Variants in FAM171A1 observed in about 807,000 individuals in gnomAD.
The protein encoded by FAM171A1 is family with sequence similarity 171 member A1.
FAM171A1 carries 23 observed loss-of-function variants against 74.9 expected under a neutral mutation model. The observed-to-expected ratio is 0.31, with a 90% CI of 0.22 to 0.44. The LOEUF is 0.44. Among genes scored for constraint, FAM171A1 ranks in the 20% least tolerant of loss-of-function variants. FAM171A1 has a pLI of 1.00. For missense variants in FAM171A1, 1,162 were observed against 1,159.2 expected, an observed-to-expected ratio of 1.00 and a Z score of -0.03; for synonymous variants, 527 against 505.7, an observed-to-expected ratio of 1.04 and a Z score of -0.57.
intron 1 of FAM171A1, among the ~76,000 whole-genome samples, chr10:15,351,712 G>A (rs1215012032): frequency 6.6e-6 from 1 of 152,056 alleles, no homozygotes; most frequent in Non-Finnish European, 1.5e-5. Flanking sequence ...TGGATGGATG[G>A]AGAGTGGCTC....
At chr10:15,259,607 C>T (rs781014785) in intron 3 of FAM171A1, among the ~76,000 whole-genome samples, 1 of 151,948 alleles carries the variant, frequency 6.6e-6, no homozygotes, top group Non-Finnish European at 1.5e-5. Context: ...AAGAAGGAAC[C>T]CTTTCCTCTT....
intron 1 of FAM171A1, among the ~76,000 whole-genome samples, chr10:15,288,452 G>T (rs1475091241): frequency 6.6e-6 from 1 of 152,082 alleles, no homozygotes; most frequent in Admixed American, 6.6e-5. Context: ...TACCTAAGTA[G>T]TATACTAAAT....
chr10:15,286,796 A>G lies in FAM171A1; in HGVS notation c.98-2691T>C, dbSNP rs984744506. ...CTGATTTAATACATTTCTTGAGTAGATAACCATAGACAAGAGCTAAAGAAT... is the reference window on the plus strand; with the variant it reads ...CTGATTTAATACATTTCTTGAGTAGGTAACCATAGACAAGAGCTAAAGAAT... On this transcript the variant is annotated intron_variant, in intron 1 of 7. Transcript: ENST00000378116. Among the ~76,000 whole-genome samples, 68 of 152,210 alleles carry G rather than the reference A, an allele frequency of 4.5e-4. 3 individuals carry two copies. Among genetic ancestry groups the G allele is most frequent in the Middle Eastern group, 3.2e-3 (1 of 316 alleles).
In FAM171A1 at chr10:15,283,868, A is replaced by C. The variant is rs2131808851; in HGVS notation, c.325+10T>G. ...CCCTCTGTGTTAAAGAAAGATGAGG[A>C]ACGCCTTACCAGGTAACCGGATTGG... On this transcript the variant is annotated intron_variant, in intron 2 of 7. Coordinates refer to ENST00000378116, the MANE Select transcript of FAM171A1 (RefSeq NM_001010924.2). The C allele has an allele frequency of 6.2e-7, 1 of 1,613,760 alleles. No homozygotes were observed. Among genetic ancestry groups the C allele is most frequent in the East Asian group, 2.2e-5 (1 of 44,880 alleles).
At chr10:15,249,435 A>C (rs1176117392) in intron 4 of FAM171A1, among the ~76,000 whole-genome samples, 2 of 152,186 alleles carry the variant, frequency 1.3e-5, no homozygotes, top group African/African-American at 4.8e-5. Flanking sequence ...TTTTGCTTTC[A>C]AAAACGATCT....
At chr10:15,346,520 T>A (rs188785155) in intron 1 of FAM171A1, among the ~76,000 whole-genome samples, 1 of 152,304 alleles carries the variant, frequency 6.6e-6, no homozygotes, top group Admixed American at 6.5e-5. Context: ...GAGCAAGAAC[T>A]CACAGATCCT....
intron 5 of FAM171A1, among the ~76,000 whole-genome samples, chr10:15,228,490 G>A (rs926010024): frequency 6.6e-6 from 1 of 151,886 alleles, no homozygotes; most frequent in Non-Finnish European, 1.5e-5. Context: ...CTACAGGCAT[G>A]CACCACCACA....
At chr10:15,292,761 C>T (rs558804984) in intron 1 of FAM171A1, among the ~76,000 whole-genome samples, 1 of 152,262 alleles carries the variant, frequency 6.6e-6, no homozygotes, top group African/African-American at 2.4e-5. Flanking sequence ...GCTGGGATTA[C>T]AGGGGTGAGC....
intron 5 of FAM171A1, among the ~76,000 whole-genome samples, chr10:15,243,901 C>A (rs1247385513): frequency 6.6e-6 from 1 of 152,294 alleles, no homozygotes; most frequent in East Asian, 1.9e-4. Context: ...CAGGCGCCCG[C>A]CACCACACCC....
intron 3 of FAM171A1, among the ~76,000 whole-genome samples, chr10:15,256,259 C>T (rs1041001401): frequency 2.6e-5 from 4 of 152,126 alleles, no homozygotes; most frequent in African/African-American, 7.2e-5. Context: ...CCTGTCTAGA[C>T]GTGTTCTAGA....
chr10:15,333,263 G>T (rs926496063), intron 1 of FAM171A1, among the ~76,000 whole-genome samples: 5 of 152,028 alleles, frequency 3.3e-5, no homozygotes, highest in Non-Finnish European at 5.9e-5. Context: ...GGAGGCCGAG[G>T]CGGGTGGATC....
chr10:15,270,125 T>G (rs897036242), intron 3 of FAM171A1, among the ~76,000 whole-genome samples: 2 of 152,176 alleles, frequency 1.3e-5, no homozygotes, highest in Admixed American at 1.3e-4. Context: ...TTCCCTTTCC[T>G]AGCCAAGGGA....
At position 15,248,533 on chromosome 10, in the gene FAM171A1, T is replaced by C. The variant is rs552386861; in HGVS notation, c.754+106A>G. 7 of 1,228,154 alleles carry C rather than the reference T, an allele frequency of 5.7e-6. No individual in the cohort carries two copies. The East Asian group carries it at 9.9e-5, about 17-fold the overall frequency. The allele number at this position is 1,228,154 out of a possible 1,614,324, so 76.1% of individuals were successfully genotyped here. On this transcript the variant is annotated intron_variant, in intron 5 of 7. Coordinates refer to ENST00000378116, the MANE Select transcript of FAM171A1 (RefSeq NM_001010924.2). ...ACACAATGCAATGTGAGCAGCAGCA[T>C]TCACTGACTTCAAGGAAAGGAGACT...
chr10:15,291,439 C>T (rs1022256551), intron 1 of FAM171A1, among the ~76,000 whole-genome samples: 2 of 152,158 alleles, frequency 1.3e-5, no homozygotes, highest in Non-Finnish European at 2.9e-5. Context: ...TCATTGTAAG[C>T]GCTCAACAGC....
intron 6 of FAM171A1, among the ~76,000 whole-genome samples, chr10:15,217,894 G>A (rs1386457058): frequency 6.6e-6 from 1 of 152,116 alleles, no homozygotes; most frequent in East Asian, 1.9e-4. Context: ...TCCTCCTAAA[G>A]TGCTGGGATT....
chr10:15,320,313 C>T (rs541632669), intron 1 of FAM171A1, among the ~76,000 whole-genome samples: 39 of 152,334 alleles, frequency 2.6e-4, no homozygotes, highest in Admixed American at 3.9e-4. Flanking sequence ...TTCTTTTTAA[C>T]GGCTGCATAG....
chr10:15,212,652 T>C lies in FAM171A1; in HGVS notation c.*263A>G. 1.9e-6 allele frequency: 1 copy of C among 517,746 alleles called. No individual in the cohort carries two copies. Among genetic ancestry groups the C allele is most frequent in the South Asian group, 2.3e-5 (1 of 42,638 alleles). The allele number at this position is 517,746 out of a possible 1,614,324, so 32.1% of individuals were successfully genotyped here. On this transcript the variant is annotated 3_prime_UTR_variant, in exon 8 of 8. Coordinates refer to ENST00000378116, the MANE Select transcript of FAM171A1 (RefSeq NM_001010924.2). ...GTTTCTTAATGTCCCTGGTGGCGGA[T>C]ACGCCGAGTCCTCGGAAGGACATCT...
At chr10:15,362,469 G>A (rs1399600618) in intron 1 of FAM171A1, among the ~76,000 whole-genome samples, 1 of 152,242 alleles carries the variant, frequency 6.6e-6, no homozygotes, top group Non-Finnish European at 1.5e-5. Context: ...ACTTTGGGAG[G>A]CTGAGGTGGG....
intron 1 of FAM171A1, among the ~76,000 whole-genome samples, chr10:15,355,247 G>T (rs912282138): frequency 6.6e-6 from 1 of 152,110 alleles, no homozygotes; most frequent in Admixed American, 6.5e-5. Flanking sequence ...GCTAATTTTT[G>T]TATTTTTTGT....
Sources: gnomAD v4.1 joint callset for allele counts (sites outside exome capture counted in the v4.1 genomes callset) on GRCh38, gnomAD v4.1.1 for gene constraint, MANE v1.5 for transcripts, NCBI Gene and HGNC (gene_info 2026-07-23, HGNC 2026-07-21) for gene names.